The following PLPPR1 variants were observed in gnomAD, a reference collection of about 807,000 sequenced individuals.
PLPPR1 encodes the protein phospholipid phosphatase-related protein type 1.
A neutral mutation model predicts 33.1 loss-of-function variants in PLPPR1; 10 were observed. The observed-to-expected ratio is 0.30, with a 90% CI of 0.19 to 0.51. The LOEUF is 0.51. Ranked by LOEUF, PLPPR1 falls within the 20% of genes least tolerant of loss-of-function variation. The pLI, the probability that PLPPR1 is intolerant of heterozygous loss-of-function variation, is 0.97. For missense variants in PLPPR1, 304 were observed against 408.1 expected (o/e 0.74, Z 2.20); for synonymous variants, 151 against 151.0 (o/e 1.00, Z 0.00).
intron 1 of PLPPR1, among the ~76,000 whole-genome samples, chr9:101,155,276 G>A (rs546431257): frequency 5.9e-5 from 9 of 152,252 alleles, no homozygotes; most frequent in South Asian, 2.1e-4. Flanking sequence ...AGTCTATGGT[G>A]TGCTGTTATA....
intron 1 of PLPPR1, among the ~76,000 whole-genome samples, chr9:101,058,898 G>A (rs533305204): frequency 5.9e-5 from 9 of 151,950 alleles, no homozygotes; most frequent in Non-Finnish European, 1.2e-4. Context: ...ATAAATTAAG[G>A]CTCAAAAAAG....
At chr9:101,180,143 T>TATATATATAC (rs1564167627) in intron 1 of PLPPR1, among the ~76,000 whole-genome samples, 5 of 39,218 alleles carry the variant, frequency 1.3e-4, no homozygotes, top group Non-Finnish European at 2.0e-4. Flanking sequence ...TATATATATA[T>TATATATATAC]ACACACACAC....
chr9:101,227,858 C>A (rs990949367), intron 2 of PLPPR1, among the ~76,000 whole-genome samples: 1 of 152,136 alleles, frequency 6.6e-6, no homozygotes, highest in African/African-American at 2.4e-5. Context: ...CTCACTGCAA[C>A]CTCCACCTCC....
At chr9:101,155,404 T>C (rs1564160433) in intron 1 of PLPPR1, among the ~76,000 whole-genome samples, 2 of 152,246 alleles carry the variant, frequency 1.3e-5, no homozygotes, top group East Asian at 3.9e-4. Flanking sequence ...TGCTGTGTCA[T>C]CGCATGAGGA....
chr9:101,290,809 G>C (rs2118922634), intron 4 of PLPPR1, among the ~76,000 whole-genome samples: 1 of 152,326 alleles, frequency 6.6e-6, no homozygotes, highest in South Asian at 2.1e-4. Flanking sequence ...CGGGAGCCAA[G>C]ATGGCCGAAT....
intron 4 of PLPPR1, among the ~76,000 whole-genome samples, chr9:101,301,234 A>G (rs1205217872): frequency 6.6e-6 from 1 of 152,182 alleles, no homozygotes; most frequent in Non-Finnish European, 1.5e-5. Flanking sequence ...TATTAATACA[A>G]AGGATGAATA....
intron 1 of PLPPR1, among the ~76,000 whole-genome samples, chr9:101,174,137 A>C (rs1321981681): frequency 6.6e-6 from 1 of 152,140 alleles, no homozygotes; most frequent in Non-Finnish European, 1.5e-5. Flanking sequence ...AGCCTGGGCA[A>C]CAGAGTGAGA....
intron 1 of PLPPR1, among the ~76,000 whole-genome samples, chr9:101,081,976 A>G (rs957298359): frequency 1.2e-4 from 18 of 152,206 alleles, no homozygotes; most frequent in Non-Finnish European, 5.9e-5. Flanking sequence ...CTGCAATTTT[A>G]AGCAGGTGCA....
At chr9:101,193,035 C>G (rs1826330074) in intron 2 of PLPPR1, among the ~76,000 whole-genome samples, 1 of 152,098 alleles carries the variant, frequency 6.6e-6, no homozygotes, top group African/African-American at 2.4e-5. Flanking sequence ...TTTAGATGCT[C>G]TTCCAATTGA....
chr9:101,272,062 A>T (rs1828111362), intron 3 of PLPPR1, among the ~76,000 whole-genome samples: 4 of 152,124 alleles, frequency 2.6e-5, no homozygotes, highest in Non-Finnish European at 2.9e-5. Flanking sequence ...GAAAATATAA[A>T]CTTAAGACTT....
chr9:101,167,443 G>C (rs1588055372), intron 1 of PLPPR1, among the ~76,000 whole-genome samples: 1 of 151,314 alleles, frequency 6.6e-6, no homozygotes, highest in African/African-American at 2.4e-5. Context: ...ATACTTTCCT[G>C]TACAGCTTTT....
intron 1 of PLPPR1, among the ~76,000 whole-genome samples, chr9:101,069,075 G>A (rs1021536700): frequency 6.6e-6 from 1 of 151,642 alleles, no homozygotes. Flanking sequence ...AGTGGCTGTT[G>A]TTATTTTCCA....
At chr9:101,117,694 A>T (rs1368674021) in intron 1 of PLPPR1, among the ~76,000 whole-genome samples, 1 of 152,076 alleles carries the variant, frequency 6.6e-6, no homozygotes, top group East Asian at 1.9e-4. Flanking sequence ...CTGAAATCAC[A>T]CATGTGAAAG....
intron 4 of PLPPR1, among the ~76,000 whole-genome samples, chr9:101,295,305 TACAA>T (rs1828602157): frequency 6.6e-6 from 1 of 151,652 alleles, no homozygotes; most frequent in South Asian, 2.1e-4. Context: ...TAAAAGAGGA[TACAA>T]ACAAATGGAA....
intron 1 of PLPPR1, among the ~76,000 whole-genome samples, chr9:101,176,727 C>T (rs550816744): frequency 6.6e-6 from 1 of 152,178 alleles, no homozygotes; most frequent in Admixed American, 6.6e-5. Flanking sequence ...TCCGCCTCTA[C>T]CCACTTGAGC....
chr9:101,140,360 T>G (rs1196623799), intron 1 of PLPPR1, among the ~76,000 whole-genome samples: 1 of 152,176 alleles, frequency 6.6e-6, no homozygotes, highest in African/African-American at 2.4e-5. Flanking sequence ...CTCTGGTTGT[T>G]ACTGAGCAGA....
At chr9:101,312,221 C>G (rs1564034906) in intron 5 of PLPPR1, among the ~76,000 whole-genome samples, 2 of 152,212 alleles carry the variant, frequency 1.3e-5, no homozygotes, top group Admixed American at 1.3e-4. Context: ...CAGCTGAAAC[C>G]TATTTATGTG....
At chr9:101,252,004 G>T (rs1325558160) in intron 2 of PLPPR1, among the ~76,000 whole-genome samples, 5 of 152,062 alleles carry the variant, frequency 3.3e-5, no homozygotes, top group Non-Finnish European at 2.9e-5. Flanking sequence ...AAATCCTGAT[G>T]ATATGTTTTC....
chr9:101,056,148 G>T (rs117007965), intron 1 of PLPPR1, among the ~76,000 whole-genome samples: 1 of 152,142 alleles, frequency 6.6e-6, no homozygotes, highest in Admixed American at 6.5e-5. Context: ...AGAAAAGAGA[G>T]GCTGACAGAA....
Sources: allele counts gnomAD v4.1 joint callset (sites outside exome capture counted in the v4.1 genomes callset), GRCh38; gene constraint gnomAD v4.1.1; transcripts MANE v1.5; gene names NCBI Gene and HGNC (gene_info 2026-07-23, HGNC 2026-07-21).